The following PSD3 variants were observed in gnomAD, a reference collection of about 807,000 sequenced individuals.
PSD3 encodes the protein PH and SEC7 domain-containing protein 3.
PSD3 carries 49 observed loss-of-function variants against 105.5 expected under a neutral mutation model. The ratio of observed to expected loss-of-function variants is 0.46; its 90% confidence interval spans 0.37 to 0.59. PSD3 has a LOEUF of 0.59. PSD3 is among the 20% of genes least tolerant of loss of function. The probability of loss-of-function intolerance (pLI) is 0.00; values close to 1 mark genes in which losing one functional copy is unlikely to be tolerated. For missense variants in PSD3, 1,561 were observed against 1,263.8 expected (o/e 1.24, Z -3.57); for synonymous variants, 557 against 457.8 (o/e 1.22, Z -2.77).
chr8:18,698,274 T>C (rs1367165064), intron 9 of PSD3, among the ~76,000 whole-genome samples: 1 of 152,094 alleles, frequency 6.6e-6, no homozygotes, highest in Non-Finnish European at 1.5e-5. Flanking sequence ...AGTTTTAACA[T>C]TTTTTAATTT....
chr8:18,565,584 TA>T (rs34346994), intron 14 of PSD3, among the ~76,000 whole-genome samples: 57,086 of 151,780 alleles, frequency 0.38, 10,688 homozygotes, highest in East Asian at 0.51. Flanking sequence ...AACAATCTTT[TA>T]ATTGAACGTC....
chr8:19,062,971 T>C lies in PSD3; in HGVS notation c.324+21235A>G, dbSNP rs941917412. Among the ~76,000 whole-genome samples, 11 of 152,320 alleles carry C rather than the reference T, an allele frequency of 7.2e-5. No individual in the cohort carries two copies. In the East Asian group the frequency reaches 1.7e-3, roughly 24 times the overall value. On this transcript the variant is annotated intron_variant, in intron 1 of 1. Coordinates refer to the PSD3 transcript ENST00000521475. ...GTCTATCCAAAAGTGAAGGTGCCGA[T>C]AGGTATTTGTTAATTAAAAAAAGAA...
chr8:19,015,427 C>T (rs1156930014), upstream of PSD3, among the ~76,000 whole-genome samples: 1 of 152,128 alleles, frequency 6.6e-6, no homozygotes, highest in Non-Finnish European at 1.5e-5. Context: ...CTCCCTTTAC[C>T]CTTGCGTACA....
chr8:18,614,717 T>C (rs1056478705), intron 11 of PSD3, among the ~76,000 whole-genome samples: 1 of 152,100 alleles, frequency 6.6e-6, no homozygotes, highest in African/African-American at 2.4e-5. Flanking sequence ...CAGCCTCCAA[T>C]TGCCAGGCTC....
In PSD3 at chr8:18,916,335, T is replaced by C. The variant is rs1385453899; in HGVS notation, c.130+19699A>G. ...ATATATATATATATATATATATATA[T>C]ATATATATATATATACACACACACA... On this transcript the variant is annotated intron_variant, in intron 2 of 15. Transcript: ENST00000327040. Among the ~76,000 whole-genome samples, 20 of 43,486 alleles carry C rather than the reference T, an allele frequency of 4.6e-4. 1 individual carries two copies. Among genetic ancestry groups the C allele is most frequent in the African/African-American group, 1.8e-3 (14 of 7,982 alleles). The allele number at this position is 43,486 out of a possible 152,430, so 28.5% of individuals were successfully genotyped here. A position where few individuals can be genotyped will look rare whatever the true frequency, so the allele number is the denominator to read the frequency against.
intron 1 of PSD3, among the ~76,000 whole-genome samples, chr8:18,951,531 A>C (rs1314302315): frequency 6.6e-6 from 1 of 152,208 alleles, no homozygotes; most frequent in Non-Finnish European, 1.5e-5. Context: ...AAGTACCTGG[A>C]AAAATGCACT....
At chr8:18,852,302 T>G (rs902287469) in intron 4 of PSD3, among the ~76,000 whole-genome samples, 11 of 152,154 alleles carry the variant, frequency 7.2e-5, no homozygotes, top group Non-Finnish European at 1.5e-5. Context: ...CTAAGCAGCT[T>G]TCACACAGCT....
chr8:18,644,046 C>T (rs975684501), intron 10 of PSD3, among the ~76,000 whole-genome samples: 1 of 152,184 alleles, frequency 6.6e-6, no homozygotes, highest in Non-Finnish European at 1.5e-5. Context: ...CCCTTGAAAC[C>T]ATTCTGCCCT....
intron 8 of PSD3, among the ~76,000 whole-genome samples, chr8:18,773,418 T>C (rs1273985721): frequency 2.0e-5 from 3 of 151,840 alleles, no homozygotes; most frequent in African/African-American, 7.2e-5. Context: ...AACATACGAG[T>C]ACTCTAACTC....
At chr8:18,552,663 T>C (rs1800838558) in intron 15 of PSD3, among the ~76,000 whole-genome samples, 1 of 152,098 alleles carries the variant, frequency 6.6e-6, no homozygotes, top group Non-Finnish European at 1.5e-5. Flanking sequence ...CTGAATAAAA[T>C]AGAAAAAAGT....
At chr8:18,906,933 G>C (rs1018462600) in intron 2 of PSD3, among the ~76,000 whole-genome samples, 3 of 152,110 alleles carry the variant, frequency 2.0e-5, no homozygotes, top group African/African-American at 7.2e-5. Context: ...GTGTGTTTCT[G>C]TGTCTTCATT....
At chr8:18,718,155 T>C (rs2129425188) in intron 9 of PSD3, among the ~76,000 whole-genome samples, 1 of 152,312 alleles carries the variant, frequency 6.6e-6, no homozygotes, top group South Asian at 2.1e-4. Context: ...GCCACACCCC[T>C]ACCCTGTCGC....
At chr8:18,608,654 T>C (rs929515302) in intron 11 of PSD3, among the ~76,000 whole-genome samples, 3 of 152,206 alleles carry the variant, frequency 2.0e-5, no homozygotes, top group African/African-American at 7.2e-5. Flanking sequence ...AAAAGTGAAA[T>C]GCTTAACGGG....
chr8:19,031,668 A>T (rs1827776558), intron 1 of PSD3, among the ~76,000 whole-genome samples: 1 of 152,184 alleles, frequency 6.6e-6, no homozygotes, highest in African/African-American at 2.4e-5. Flanking sequence ...CATTAACAAC[A>T]ACTATATTTG....
At chr8:19,074,713 C>T (rs1340053049) in intron 1 of PSD3, among the ~76,000 whole-genome samples, 2 of 146,600 alleles carry the variant, frequency 1.4e-5, no homozygotes, top group Admixed American at 6.9e-5. Context: ...CTCCGCCTCC[C>T]GGGTTCACGC....
intron 8 of PSD3, among the ~76,000 whole-genome samples, chr8:18,769,614 G>A (rs1208324351): frequency 2.0e-5 from 3 of 152,122 alleles, no homozygotes; most frequent in Non-Finnish European, 2.9e-5. Context: ...ATACCCACCA[G>A]CAGTTATTCT....
chr8:18,870,323 C>T (rs78715038), intron 3 of PSD3, among the ~76,000 whole-genome samples: 2,590 of 152,176 alleles, frequency 0.017, 63 homozygotes, highest in African/African-American at 0.053. Context: ...CAAATGACTA[C>T]GATCAAAGGG....
chr8:18,610,086 A>C (rs940999517), intron 11 of PSD3, among the ~76,000 whole-genome samples: 2 of 152,260 alleles, frequency 1.3e-5, no homozygotes, highest in African/African-American at 2.4e-5. Flanking sequence ...ACACATTACA[A>C]AAAAAATCAC....
chr8:18,582,711 GT>G (rs1802895342), intron 12 of PSD3, among the ~76,000 whole-genome samples: 1 of 151,162 alleles, frequency 6.6e-6, no homozygotes, highest in South Asian at 2.1e-4. Context: ...GTAGAGCTAT[GT>G]TTCCCCCTCC....
Sources: allele counts gnomAD v4.1 joint callset (sites outside exome capture counted in the v4.1 genomes callset), GRCh38; gene constraint gnomAD v4.1.1; transcripts MANE v1.5; gene names NCBI Gene and HGNC (gene_info 2026-07-23, HGNC 2026-07-21).